DNAH7: variants seen among roughly 807,000 people sequenced by gnomAD.
DNAH7 encodes the protein dynein axonemal heavy chain 7.
A neutral mutation model predicts 444.6 loss-of-function variants in DNAH7; 397 were observed. The observed-to-expected ratio is 0.89, with a 90% CI of 0.82 to 0.97. The LOEUF (loss-of-function observed/expected upper bound fraction) is 0.97, where lower values mean the gene tolerates loss of function less well. Among genes scored for constraint, DNAH7 ranks in the 50% least tolerant of loss-of-function variants. The pLI, the probability that DNAH7 is intolerant of heterozygous loss-of-function variation, is 0.00. For synonymous variants in DNAH7, 1,636 were observed against 1,624.4 expected, an observed-to-expected ratio of 1.01 and a Z score of -0.17; for missense variants, 4,902 against 4,800.8, an observed-to-expected ratio of 1.02 and a Z score of -0.62.
At chr2:195,870,190 C>T (rs529178148) in intron 40 of DNAH7, among the ~76,000 whole-genome samples, 50 of 152,178 alleles carry the variant, frequency 3.3e-4, no homozygotes, top group African/African-American at 9.9e-4. Flanking sequence ...GGAAAACCAG[C>T]GCATAAATAT....
At chr2:195,954,799 T>C (rs1434212491) in intron 19 of DNAH7, among the ~76,000 whole-genome samples, 1 of 152,260 alleles carries the variant, frequency 6.6e-6, no homozygotes, top group Non-Finnish European at 1.5e-5. Flanking sequence ...CATTTTTTCA[T>C]GTGCCTGTTG....
intron 5 of DNAH7, among the ~76,000 whole-genome samples, chr2:196,046,266 G>C (rs1660845117): frequency 6.6e-6 from 1 of 152,170 alleles, no homozygotes; most frequent in South Asian, 2.1e-4. Flanking sequence ...ATATGGGGAA[G>C]AAGATGATGC....
intron 12 of DNAH7, 129 bp from the exon 13 acceptor site, chr2:195,988,358 C>T (rs1693066657): frequency 2.5e-6 from 2 of 792,708 alleles, no homozygotes; most frequent in Non-Finnish European, 3.7e-6. Flanking sequence ...AACTGTTTAA[C>T]CTCTAATCTA....
chr2:195,900,187 A>C, intron 28 of DNAH7, 95 bp downstream of exon 28: 1 of 1,352,154 alleles, frequency 7.4e-7, no homozygotes, highest in Non-Finnish European at 1.0e-6. Flanking sequence ...CAATCAATTA[A>C]GGAAACCAAC....
At chr2:195,845,640 C>G (rs1192732273) in intron 46 of DNAH7, among the ~76,000 whole-genome samples, 2 of 152,158 alleles carry the variant, frequency 1.3e-5, no homozygotes, top group Non-Finnish European at 2.9e-5. Flanking sequence ...ATAACCAAAA[C>G]AGCATGATAC....
intron 6 of DNAH7, 127 bp from the exon 7 acceptor site, chr2:196,027,067 G>T: frequency 1.5e-6 from 1 of 655,736 alleles, no homozygotes; most frequent in South Asian, 2.5e-5. Flanking sequence ...AAAAGTATTT[G>T]GTACAATTCA....
rs1481198094 is a variant in DNAH7 at position 195,888,374 on chromosome 2, A to T, written c.5290T>A (p.Leu1764Met). The T allele has an allele frequency of 1.2e-6, 2 of 1,607,034 alleles. No homozygotes were observed. The highest frequency in any genetic ancestry group is 1.7e-6 in the Non-Finnish European group (2 of 1,178,106). Reference protein sequence around the residue: ...PHMLGWRPLMLSWVNLLPASV... With the variant: ...PHMLGWRPLMMSWVNLLPASV... ...GCAGGTAACAGATTCACCCAGGACA[A>T]CATCAGTGGTCTCCAGCCTAACATG... The change falls in exon 33 of 65, where the codon TTG becomes ATG. Residue 1764 changes from leucine to methionine, a missense_variant. By Grantham distance (15) the Leu-to-Met change is conservative (BLOSUM62 2). Transcript: ENST00000312428.
At chr2:196,064,038 C>T (rs1379454275) in intron 1 of DNAH7, 12 of 152,154 alleles carry the variant, frequency 7.9e-5, no homozygotes. Flanking sequence ...GAAAGGAGGC[C>T]AGGCGCGGTG....
chr2:195,819,062 T>C (rs1382906717), intron 49 of DNAH7, among the ~76,000 whole-genome samples: 1 of 151,984 alleles, frequency 6.6e-6, no homozygotes, highest in African/African-American at 2.4e-5. Flanking sequence ...ATACACACTA[T>C]CTATGAAATG....
intron 8 of DNAH7, among the ~76,000 whole-genome samples, chr2:196,019,891 C>T (rs1695265153): frequency 6.6e-6 from 1 of 152,024 alleles, no homozygotes; most frequent in Non-Finnish European, 1.5e-5. Flanking sequence ...GGATTTTCTT[C>T]CACTTCTACC....
intron 24 of DNAH7, among the ~76,000 whole-genome samples, chr2:195,920,579 CAA>C (rs1687961946): frequency 6.6e-6 from 1 of 152,092 alleles, no homozygotes; most frequent in Admixed American, 6.5e-5. Context: ...CAAGATGGAT[CAA>C]AGACTTAAAT....
In DNAH7 at chr2:195,881,837, T is replaced by A; in HGVS notation, c.5919A>T (p.Ile1973=). 1 of 1,614,070 alleles carries A rather than the reference T, an allele frequency of 6.2e-7. No homozygotes were observed. Among genetic ancestry groups the A allele is most frequent in the Non-Finnish European group, 8.5e-7 (1 of 1,179,944 alleles). The change falls in exon 36 of 65, where the codon ATA becomes ATT. Residue 1973 remains isoleucine, a synonymous_variant. Transcript: ENST00000312428. ...TCCCAGTTCCTGTTGGTCCTACAAA[T>A]ATTGAAGGCTTTTGATGGGTGGTCA... ...ELLTTHQKPS[I]FVGPTGTGKS... is the part of the protein sequence containing the mutation.
At chr2:195,971,254 G>A (rs1691819928) in intron 16 of DNAH7, among the ~76,000 whole-genome samples, 1 of 152,130 alleles carries the variant, frequency 6.6e-6, no homozygotes, top group African/African-American at 2.4e-5. Flanking sequence ...TAATCTTTGG[G>A]AAACTTACTC....
chr2:195,759,924 T>C (rs1345099979), intron 61 of DNAH7, among the ~76,000 whole-genome samples: 1 of 152,180 alleles, frequency 6.6e-6, no homozygotes, highest in East Asian at 1.9e-4. Flanking sequence ...GCAATCCTCC[T>C]GTCTCAGCCT....
chr2:195,748,734 G>T (rs1479326429), intron 63 of DNAH7, among the ~76,000 whole-genome samples: 1 of 152,180 alleles, frequency 6.6e-6, no homozygotes, highest in Non-Finnish European at 1.5e-5. Flanking sequence ...AAGCAATGGG[G>T]AAAGGATTCC....
Position 195,777,879 on chromosome 2 carries a change from A to G in DNAH7, c.10985T>C (p.Phe3662Ser). Residue 3662 changes from phenylalanine to serine, a missense_variant, in exon 59 of 65, where the codon TTC (phenylalanine) becomes TCC (serine). By Grantham distance (155) the Phe-to-Ser change is radical. Coordinates refer to ENST00000312428, the MANE Select transcript of DNAH7 (RefSeq NM_018897.3). The stretch of plus-strand genomic sequence containing the variant: ...ATTTTCAACTAATTCGGGATTGAAG[A>G]ATTTGTTTAGAATGCTGCGCAGCGT... ...RRTLRSILNK[F>S]FNPELVENSD... 2 of 1,614,192 alleles carry G rather than the reference A, an allele frequency of 1.2e-6. No homozygotes were observed. Among genetic ancestry groups the G allele is most frequent in the Non-Finnish European group, 1.7e-6 (2 of 1,180,014 alleles).
intron 15 of DNAH7, among the ~76,000 whole-genome samples, chr2:195,979,277 T>G (rs768006049): frequency 1.3e-5 from 2 of 152,128 alleles, no homozygotes; most frequent in Non-Finnish European, 2.9e-5. Context: ...AAGTATAGTC[T>G]CTGACCACAA....
chr2:195,738,355 A>G (rs1286010170), intron 64 of DNAH7, among the ~76,000 whole-genome samples: 2 of 152,044 alleles, frequency 1.3e-5, no homozygotes, highest in African/African-American at 2.4e-5. Flanking sequence ...TTTTCTACCT[A>G]TTTATCTCTC....
In DNAH7 at chr2:195,864,479, C is replaced by T; in HGVS notation, c.7176G>A (p.Met2392Ile). The T allele has an allele frequency of 6.2e-7, 1 of 1,614,214 alleles. No individual in the cohort carries two copies. Among genetic ancestry groups the T allele is most frequent in the Non-Finnish European group, 8.5e-7 (1 of 1,180,040 alleles). The change falls in exon 41 of 65, where the codon ATG (methionine) becomes ATA (isoleucine). Residue 2392 changes from methionine (M) to isoleucine (I), a missense_variant. Met to Ile is a conservative substitution (Grantham distance 10). Transcript: ENST00000312428. ...VILRKCAEGE[M>I]QGVFLFTDTQ... Reference sequence around the variant, plus strand: ...TATCTGTAAACAGGAAGACACCCTGCATCTCACCTTCCGCACATTTCCTTA... The same window carrying T: ...TATCTGTAAACAGGAAGACACCCTGTATCTCACCTTCCGCACATTTCCTTA...
Sources: allele counts gnomAD v4.1 joint callset (sites outside exome capture counted in the v4.1 genomes callset), GRCh38; gene constraint gnomAD v4.1.1; transcripts MANE v1.5; gene names NCBI Gene and HGNC (gene_info 2026-07-23, HGNC 2026-07-21).